Variants in PLOD3 observed in about 807,000 individuals in gnomAD.
PLOD3 encodes procollagen-lysine,2-oxoglutarate 5-dioxygenase 3, also known as multifunctional procollagen lysine hydroxylase and glycosyltransferase LH3.
A neutral mutation model predicts 96.9 loss-of-function variants in PLOD3; 73 were observed. That is an observed-to-expected ratio of 0.75 (90% CI 0.62 to 0.92). The LOEUF is 0.92. Ranked by LOEUF, PLOD3 falls within the 40% of genes least tolerant of loss-of-function variation. PLOD3 has a pLI of 0.00. For synonymous variants in PLOD3, 454 were observed against 413.7 expected, an observed-to-expected ratio of 1.10 and a Z score of -1.18; for missense variants, 1,004 against 1,004.3, an observed-to-expected ratio of 1.00 and a Z score of 0.00.
At chr7:101,212,758 C>T (rs1798206586) in intron 8 of PLOD3, 84 bp downstream of exon 8, 2 of 1,568,690 alleles carry the variant, frequency 1.3e-6, no homozygotes, top group Non-Finnish European at 1.7e-6. Context: ...GAGCGATGCC[C>T]CCACCGCCCC....
intron 15 of PLOD3, 140 bp from the exon 16 acceptor site, chr7:101,209,097 TGAGG>T: frequency 1.4e-6 from 1 of 701,950 alleles, no homozygotes; most frequent in Non-Finnish European, 2.6e-6. Flanking sequence ...AGGTAGGGGC[TGAGG>T]GAGTGGCAAG....
chr7:101,211,635 G>A lies in PLOD3; in HGVS notation c.1314C>T (p.Tyr438=), dbSNP rs772093148. ...GCTCCACGTAGTCCTCGGAGCGGGCGTAGTACTCATCGGGGCTCAGGGCGC... is the reference window on the plus strand; with the variant it reads ...GCTCCACGTAGTCCTCGGAGCGGGCATAGTACTCATCGGGGCTCAGGGCGC... ...FWGALSPDEY[Y]ARSEDYVELV... Residue 438 remains tyrosine (Y), a synonymous_variant, in exon 12 of 19, where the codon TAC becomes TAT. Coordinates refer to ENST00000223127, the MANE Select transcript of PLOD3 (RefSeq NM_001084.5). 11 of 1,606,868 alleles carry A rather than the reference G, an allele frequency of 6.8e-6. No homozygotes were observed. The highest frequency in any genetic ancestry group is 2.2e-5 in the East Asian group (1 of 44,558).
chr7:101,210,857 C>T (rs1798171247), intron 12 of PLOD3, 184 bp from the exon 13 acceptor site: 2 of 614,188 alleles, frequency 3.3e-6, no homozygotes, highest in Non-Finnish European at 5.7e-6. Context: ...GTTCCTACCC[C>T]AAGCTGTGGC....
rs535833640 is a variant in PLOD3 at position 101,210,190 on chromosome 7, C to A, written c.1615-29G>T. ...TGAGAGGGTGGGGGGCACATCAGAT[C>A]TGTGCCCCCCTCGCTCCCAGCCCCC... On this transcript the variant is annotated intron_variant, in intron 14 of 18. Coordinates refer to ENST00000223127, the MANE Select transcript of PLOD3 (RefSeq NM_001084.5). 7 of 1,532,030 alleles carry A rather than the reference C, an allele frequency of 4.6e-6. No homozygotes were observed. The African/African-American group carries it at 8.2e-5, about 18-fold the overall frequency. 94.9% of individuals were successfully genotyped at this position (1,532,030 alleles called of 1,614,324 possible). A position where few individuals can be genotyped will look rare whatever the true frequency, so the allele number is the denominator to read the frequency against.
chr7:101,211,629 G>T lies in PLOD3; in HGVS notation c.1320C>A (p.Arg440=). 1 of 1,606,502 alleles carries T rather than the reference G, an allele frequency of 6.2e-7. No individual in the cohort carries two copies. Among genetic ancestry groups the T allele is most frequent in the Non-Finnish European group, 8.5e-7 (1 of 1,177,262 alleles). The change falls in exon 12 of 19, where the codon CGC becomes CGA. Residue 440 remains arginine, a synonymous_variant. Transcript: ENST00000223127. ...GCACCAGCTCCACGTAGTCCTCGGA[G>T]CGGGCGTAGTACTCATCGGGGCTCA... is the stretch of plus-strand genomic sequence containing the variant. ...GALSPDEYYA[R]SEDYVELVQR...
chr7:101,208,688 G>A, intron 16 of PLOD3, 165 bp downstream of exon 16: 1 of 650,626 alleles, frequency 1.5e-6, no homozygotes. Flanking sequence ...GTGCCCAGCA[G>A]TAAATATTTC....
intron 6 of PLOD3, chr7:101,213,500 CTCCT>C (rs1409806777): frequency 1.5e-5 from 6 of 408,726 alleles, no homozygotes; most frequent in East Asian, 1.4e-4. Flanking sequence ...TATTCTCTCT[CTCCT>C]TGTTTTTTTT....
At position 101,211,520 on chromosome 7, in the gene PLOD3, G is replaced by A. The variant is rs879053204; in HGVS notation, c.1358+71C>T. ...ACTGGTGACCACTCCAAACCCCTGAGAGTAGGGGGCTTGGGTCTACCTGGG... is the reference window on the plus strand; with the variant it reads ...ACTGGTGACCACTCCAAACCCCTGAAAGTAGGGGGCTTGGGTCTACCTGGG... On this transcript the variant is annotated intron_variant, in intron 12 of 18. Coordinates refer to ENST00000223127, the MANE Select transcript of PLOD3 (RefSeq NM_001084.5). 15 of 1,502,750 alleles carry A rather than the reference G, an allele frequency of 1.0e-5. No individual in the cohort carries two copies. In the South Asian group the frequency reaches 1.4e-4, roughly 14 times the overall value. 93.1% of individuals were successfully genotyped at this position (1,502,750 alleles called of 1,614,324 possible).
Position 101,210,577 on chromosome 7 carries a change from A to G in PLOD3, c.1455T>C (p.Ser485=), listed in dbSNP as rs1269466979. ...ELPQRDVFSG[S]DTDPDMAFCK... is the part of the protein sequence containing the mutation. ...AGAAGGCCATGTCCGGGTCTGTGTC[A>G]CTGCCCGAGAACACATCCCTCTGGG... The change falls in exon 13 of 19, where the codon AGT becomes AGC. Residue 485 remains serine (S), a synonymous_variant. Transcript: ENST00000223127. 1.2e-6 allele frequency: 2 copies of G among 1,614,154 alleles called. No individual in the cohort carries two copies. Among genetic ancestry groups the G allele is most frequent in the Admixed American group, 3.3e-5 (2 of 60,020 alleles).
intron 5 of PLOD3, among the ~76,000 whole-genome samples, chr7:101,215,520 G>A (rs979595294): frequency 1.3e-5 from 2 of 151,994 alleles, no homozygotes; most frequent in Non-Finnish European, 2.9e-5. Flanking sequence ...TCCTTTTTTT[G>A]TGAGAGACAG....
At chr7:101,210,805 G>T in intron 12 of PLOD3, 132 bp from the exon 13 acceptor site, 1 of 975,536 alleles carries the variant, frequency 1.0e-6, no homozygotes, top group Non-Finnish European at 1.5e-6. Flanking sequence ...CCCTTGTCAA[G>T]CACTGCTGGT....
At chr7:101,210,811 C>T in intron 12 of PLOD3, 138 bp from the exon 13 acceptor site, 1 of 867,186 alleles carries the variant, frequency 1.2e-6, no homozygotes, top group Non-Finnish European at 1.8e-6. Flanking sequence ...TCAAGCACTG[C>T]TGGTCCCAAC....
Position 101,211,944 on chromosome 7 carries a change from C to T in PLOD3, c.1134G>A (p.Leu378=), listed in dbSNP as rs1798189706. The change falls in exon 11 of 19, where the codon CTG becomes CTA. Residue 378 remains leucine, a synonymous_variant. Coordinates refer to ENST00000223127, the MANE Select transcript of PLOD3 (RefSeq NM_001084.5). ...ACTCACACTCGGGGTCCTGCCGACA[C>T]AGGTCCCTGGAGGTGAGAGGCGAGC... ...PGEARDMAMD[L]CRQDPECEFY... 6.2e-7 allele frequency: 1 copy of T among 1,602,968 alleles called. No homozygotes were observed. Among genetic ancestry groups the T allele is most frequent in the Admixed American group, 1.7e-5 (1 of 58,170 alleles).
In PLOD3 at chr7:101,217,307, C is replaced by T. The variant is rs1459080469; in HGVS notation, c.-33G>A. Reference sequence around the variant, plus strand: ...AGCGGGCCCAGACAGCACCCAGGATCCTGGGATCTCCGCTACGCGCCTGGA... The same window carrying T: ...AGCGGGCCCAGACAGCACCCAGGATTCTGGGATCTCCGCTACGCGCCTGGA... On this transcript the variant is annotated 5_prime_UTR_variant, in exon 1 of 19. Transcript: ENST00000223127. 1.4e-6 allele frequency: 2 copies of T among 1,389,094 alleles called. No individual in the cohort carries two copies. Among genetic ancestry groups the T allele is most frequent in the East Asian group, 2.9e-5 (1 of 34,998 alleles). 86.0% of individuals were successfully genotyped at this position (1,389,094 alleles called of 1,614,324 possible).
chr7:101,213,104 C>T lies in PLOD3; in HGVS notation c.777+3G>A. 1.2e-6 allele frequency: 2 copies of T among 1,601,120 alleles called. No individual in the cohort carries two copies. The highest frequency in any genetic ancestry group is 1.7e-6 in the Non-Finnish European group (2 of 1,168,646). On this transcript the variant is annotated splice_donor_region_variant and intron_variant, in intron 7 of 18. Transcript: ENST00000223127. ...GGGCGGGGGTTGAGACCACTGGTGG[C>T]ACCTTAGTGGGACCGTTTCCATGGA...
intron 1 of PLOD3, 151 bp from the exon 2 acceptor site, chr7:101,216,937 G>A: frequency 3.9e-6 from 3 of 759,612 alleles, no homozygotes; most frequent in East Asian, 2.7e-5. Flanking sequence ...CCCAAGGAGG[G>A]CAGGGTGGGA....
intron 12 of PLOD3, 31 bp downstream of exon 12, chr7:101,211,560 A>C (rs1333175340): frequency 3.8e-6 from 6 of 1,590,690 alleles, no homozygotes; most frequent in Middle Eastern, 1.7e-4. Context: ...GGGTCGGAGG[A>C]GGCGGGGGGC....
In PLOD3 at chr7:101,206,290, G is replaced by A. The variant is rs552907007; in HGVS notation, c.2208C>T (p.Val736=). ...GCAGAGTGGTTGAGTGTCAGGGGTC[G>A]ACAAAGGACACCATGATGTAGCGTG... The part of the protein sequence containing the change: ...WGTRYIMVSF[V]DP Residue 736 remains valine (V), a synonymous_variant, in exon 19 of 19, where the codon GTC becomes GTT. Coordinates refer to ENST00000223127, the MANE Select transcript of PLOD3 (RefSeq NM_001084.5). 6.8e-6 allele frequency: 11 copies of A among 1,613,872 alleles called. No homozygotes were observed. The highest frequency in any genetic ancestry group is 6.7e-5 in the Admixed American group (4 of 60,014).
intron 15 of PLOD3, 33 bp downstream of exon 15, chr7:101,210,060 C>A: frequency 7.3e-7 from 1 of 1,374,702 alleles, no homozygotes; most frequent in Non-Finnish European, 1.0e-6. Context: ...GCCATGAGGG[C>A]AGGGGGTGGG....
Sources: gnomAD v4.1 joint callset for allele counts (sites outside exome capture counted in the v4.1 genomes callset) on GRCh38, gnomAD v4.1.1 for gene constraint, MANE v1.5 for transcripts, NCBI Gene and HGNC (gene_info 2026-07-23, HGNC 2026-07-21) for gene names.